The following FASTKD1 variants were observed in gnomAD, a reference collection of about 807,000 sequenced individuals.
FASTKD1 encodes the protein FAST kinase domains 1.
In FASTKD1, 94 loss-of-function variants were observed where a neutral mutation model predicts 90.9. The ratio of observed to expected loss-of-function variants is 1.03; its 90% confidence interval spans 0.88 to 1.23. The LOEUF (loss-of-function observed/expected upper bound fraction) is 1.23, where lower values mean the gene tolerates loss of function less well. Ranked by LOEUF, FASTKD1 falls within the 50% of genes most tolerant of loss-of-function variation. FASTKD1 has a pLI of 0.00. For synonymous variants in FASTKD1, 319 were observed against 345.8 expected, an observed-to-expected ratio of 0.92 and a Z score of 0.86; for missense variants, 945 against 993.5, an observed-to-expected ratio of 0.95 and a Z score of 0.66.
At chr2:169,550,356 A>C (rs1338653962) in intron 7 of FASTKD1, among the ~76,000 whole-genome samples, 1 of 151,440 alleles carries the variant, frequency 6.6e-6, no homozygotes. Context: ...AACAAACAAA[A>C]TTGTATGGTC....
At chr2:169,561,803 A>ATTAATTTATTGTAAATTATTTATTAAT (rs1683641536) in intron 4 of FASTKD1, among the ~76,000 whole-genome samples, 4 of 140,146 alleles carry the variant, frequency 2.9e-5, no homozygotes, top group African/African-American at 1.1e-4. Context: ...TAAATTATTT[A>ATTAATTTATTGTAAATTATTTATTAAT]TTAATTTATT....
At chr2:169,564,904 T>C (rs1683882166) in intron 3 of FASTKD1, among the ~76,000 whole-genome samples, 1 of 152,110 alleles carries the variant, frequency 6.6e-6, no homozygotes, top group South Asian at 2.1e-4. Context: ...GGATATCATT[T>C]TTTTTACGGC....
intron 10 of FASTKD1, among the ~76,000 whole-genome samples, chr2:169,539,739 G>A (rs1226212713): frequency 4.6e-5 from 7 of 152,088 alleles, no homozygotes; most frequent in African/African-American, 1.7e-4. Flanking sequence ...ACTCCAGCCT[G>A]GGCAACAGAG....
chr2:169,560,303 C>T (rs1363250966), intron 5 of FASTKD1, 84 bp downstream of exon 5: 13 of 1,074,732 alleles, frequency 1.2e-5, no homozygotes, highest in East Asian at 2.5e-5. Context: ...GATATTTGTA[C>T]CTTCCAGAGC....
At chr2:169,553,405 G>A (rs1337557002) in intron 7 of FASTKD1, among the ~76,000 whole-genome samples, 4 of 151,832 alleles carry the variant, frequency 2.6e-5, no homozygotes, top group African/African-American at 9.7e-5. Flanking sequence ...TGGAAAGGGT[G>A]AAGAAACAAT....
At chr2:169,553,287 A>AC (rs1559149865) in intron 7 of FASTKD1, among the ~76,000 whole-genome samples, 1 of 149,906 alleles carries the variant, frequency 6.7e-6, no homozygotes, top group East Asian at 1.9e-4. Context: ...AAAAAAAAAA[A>AC]AACCCACTGT....
At chr2:169,551,137 G>A (rs752358058) in intron 7 of FASTKD1, among the ~76,000 whole-genome samples, 5 of 152,146 alleles carry the variant, frequency 3.3e-5, no homozygotes, top group African/African-American at 9.7e-5. Context: ...AAAAAATATC[G>A]AGTGTTGGCA....
At chr2:169,536,626 A>G (rs1363198461) in intron 12 of FASTKD1, among the ~76,000 whole-genome samples, 1 of 152,166 alleles carries the variant, frequency 6.6e-6, no homozygotes, top group Non-Finnish European at 1.5e-5. Context: ...TTGAAATTTT[A>G]TCTTTTTCAT....
Position 169,553,271 on chromosome 2 carries a change from C to CAAAAAAAAAA in FASTKD1, c.1214+1843_1214+1852dup, listed in dbSNP as rs374454211. On this transcript the variant is annotated intron_variant, in intron 7 of 14. Coordinates refer to ENST00000453153, the MANE Select transcript of FASTKD1 (RefSeq NM_024622.6). ...ATATAGAAAATTTTTTAAAAGCATG[C>CAAAAAAAAAA]AAAAAAAAAAAAAAAAAACCCACTG... Among the ~76,000 whole-genome samples, 57 of 79,172 alleles carry CAAAAAAAAAA rather than the reference C, an allele frequency of 7.2e-4. 3 individuals are homozygous for CAAAAAAAAAA. Among genetic ancestry groups the CAAAAAAAAAA allele is most frequent in the Middle Eastern group, 0.012 (1 of 84 alleles). 51.9% of individuals were successfully genotyped at this position (79,172 alleles called of 152,430 possible).
In FASTKD1 at chr2:169,537,291, T is replaced by C. The variant is rs745383724; in HGVS notation, c.2124A>G (p.Ala708=). ...CACAATTGATTCCTCCTAGTACCTC[T>C]GCTAACATTTTAAAAATCTGCTGTT... ...GTQQQIFKML[A]EVLGGINCVK... is the part of the protein sequence containing the mutation. Residue 708 remains alanine (A), a synonymous_variant, in exon 12 of 15, where the codon GCA becomes GCG. Coordinates refer to ENST00000453153, the MANE Select transcript of FASTKD1 (RefSeq NM_024622.6). 1.2e-6 allele frequency: 2 copies of C among 1,613,538 alleles called. No homozygotes were observed. Among genetic ancestry groups the C allele is most frequent in the Admixed American group, 3.3e-5 (2 of 60,020 alleles).
chr2:169,544,177 A>T (rs1157089707), intron 9 of FASTKD1, among the ~76,000 whole-genome samples: 1 of 151,184 alleles, frequency 6.6e-6, no homozygotes, highest in East Asian at 2.0e-4. Flanking sequence ...CAAACACTGT[A>T]AAATGTTAAC....
intron 9 of FASTKD1, among the ~76,000 whole-genome samples, chr2:169,543,978 T>A (rs1685072952): frequency 2.0e-5 from 3 of 152,166 alleles, no homozygotes; most frequent in African/African-American, 7.2e-5. Flanking sequence ...AAACATGAAC[T>A]GTGTATTAGA....
intron 8 of FASTKD1, 41 bp from the exon 9 acceptor site, chr2:169,544,876 G>T: frequency 8.5e-7 from 1 of 1,171,530 alleles, no homozygotes; most frequent in African/African-American, 1.6e-5. Context: ...TAAACTTTAG[G>T]AAAATAAGAC....
At chr2:169,558,140 T>C (rs918527330) in intron 5 of FASTKD1, among the ~76,000 whole-genome samples, 6 of 152,256 alleles carry the variant, frequency 3.9e-5, no homozygotes, top group Admixed American at 6.5e-5. Context: ...ATCCTCTCAA[T>C]TGCAATATAA....
At chr2:169,537,604 G>T (rs1477012933) in intron 11 of FASTKD1, among the ~76,000 whole-genome samples, 1 of 151,998 alleles carries the variant, frequency 6.6e-6, no homozygotes, top group African/African-American at 2.4e-5. Flanking sequence ...GGCTGGTCTC[G>T]AACTCCTGAC....
chr2:169,564,132 A>C (rs1311617237), intron 3 of FASTKD1, among the ~76,000 whole-genome samples: 3 of 152,150 alleles, frequency 2.0e-5, no homozygotes, highest in Non-Finnish European at 1.5e-5. Context: ...TGACTAGTAT[A>C]ATTTTTATAC....
intron 9 of FASTKD1, 86 bp from the exon 10 acceptor site, chr2:169,540,265 TA>T (rs1010184935): frequency 4.8e-5 from 62 of 1,286,470 alleles, no homozygotes; most frequent in South Asian, 1.4e-4. Flanking sequence ...CCCAGGTTTT[TA>T]AAAAAAAGAT....
chr2:169,544,933 C>G, intron 8 of FASTKD1, 98 bp from the exon 9 acceptor site: 1 of 633,558 alleles, frequency 1.6e-6, no homozygotes, highest in South Asian at 2.2e-5. Flanking sequence ...TTCCTATCAT[C>G]GCTACAGTTA....
chr2:169,537,993 G>T lies in FASTKD1; in HGVS notation c.2074+20C>A. 1 of 1,581,384 alleles carries T rather than the reference G, an allele frequency of 6.3e-7. No individual in the cohort carries two copies. Among genetic ancestry groups the T allele is most frequent in the South Asian group, 1.2e-5 (1 of 85,058 alleles). On this transcript the variant is annotated intron_variant, in intron 11 of 14. Transcript: ENST00000453153. Reference sequence around the variant, plus strand: ...ACTTTAGAATCAAACTTTGCTATCTGACTAAAAGAAAACTCAAACCTTTAT... The same window carrying T: ...ACTTTAGAATCAAACTTTGCTATCTTACTAAAAGAAAACTCAAACCTTTAT...
Sources: allele counts gnomAD v4.1 joint callset (sites outside exome capture counted in the v4.1 genomes callset), GRCh38; gene constraint gnomAD v4.1.1; transcripts MANE v1.5; gene names NCBI Gene and HGNC (gene_info 2026-07-23, HGNC 2026-07-21).